TCN2: variants seen among roughly 807,000 people sequenced by gnomAD.
TCN2 encodes transcobalamin 2.
TCN2 carries 34 observed loss-of-function variants against 48.6 expected under a neutral mutation model. That is an observed-to-expected ratio of 0.70 (90% CI 0.53 to 0.93). The LOEUF is 0.93. Among genes scored for constraint, TCN2 ranks in the 40% least tolerant of loss-of-function variants. The pLI is 0.00. For missense variants in TCN2, 652 were observed against 526.1 expected (o/e 1.24, Z -2.34); for synonymous variants, 283 against 212.5 (o/e 1.33, Z -2.89).
chr22:30,622,971 T>A lies in TCN2; in HGVS notation c.1110T>A (p.Tyr370Ter). ...KKAHELGGFTYETQASLSGPY... is the reference protein window; with the variant it reads ...KKAHELGGFT Reference sequence around the variant, plus strand: ...CATTTGCCTTTCCCTTCTGTAGATATGAAACACAGGCCTCCTTGTCAGGCC... The same window carrying A: ...CATTTGCCTTTCCCTTCTGTAGATAAGAAACACAGGCCTCCTTGTCAGGCC... Residue 370 changes from tyrosine to a stop codon, truncating the protein, a stop_gained, in exon 8 of 9, where the codon TAT (tyrosine) becomes TAA (stop). Coordinates refer to ENST00000215838, the MANE Select transcript of TCN2 (RefSeq NM_000355.4). LOFTEE classifies it high-confidence loss of function. 1.2e-6 allele frequency: 2 copies of A among 1,614,104 alleles called. No individual in the cohort carries two copies. Among genetic ancestry groups the A allele is most frequent in the South Asian group, 1.1e-5 (1 of 91,088 alleles).
intron 1 of TCN2, among the ~76,000 whole-genome samples, chr22:30,608,669 C>T (rs181741556): frequency 6.6e-5 from 10 of 152,106 alleles, no homozygotes; most frequent in Admixed American, 5.9e-4. Flanking sequence ...AGATTACAGG[C>T]GTGAGCCACC....
intron 7 of TCN2, chr22:30,617,838 T>C (rs539525409): frequency 1.6e-5 from 6 of 375,948 alleles, no homozygotes; most frequent in South Asian, 9.5e-5. Flanking sequence ...TTAGTACACA[T>C]AGAGATAGTG....
chr22:30,622,091 G>A (rs2267166), intron 7 of TCN2, among the ~76,000 whole-genome samples: 17,203 of 152,108 alleles, frequency 0.11, 2,146 homozygotes, highest in African/African-American at 0.3. Context: ...GGGTTCAAGC[G>A]GTTCTCCTGC....
At chr22:30,608,442 C>A (rs993789754) in intron 1 of TCN2, among the ~76,000 whole-genome samples, 3 of 151,958 alleles carry the variant, frequency 2.0e-5, no homozygotes, top group African/African-American at 7.3e-5. Flanking sequence ...GGCTGGAGTG[C>A]AGTGGCACGA....
At chr22:30,612,820 C>T in intron 2 of TCN2, 53 bp from the exon 3 acceptor site, 3 of 1,607,972 alleles carry the variant, frequency 1.9e-6, no homozygotes, top group Non-Finnish European at 2.5e-6. Flanking sequence ...GTGCTGTAAG[C>T]AGGCTTACGG....
chr22:30,623,470 A>G (rs4820890), intron 8 of TCN2, among the ~76,000 whole-genome samples: 61,624 of 151,478 alleles, frequency 0.41, 12,773 homozygotes, highest in Non-Finnish European at 0.45. Flanking sequence ...CTTCCACCTC[A>G]GCCTTCCTAG....
chr22:30,614,358 A>T lies in TCN2; in HGVS notation c.437A>T (p.His146Leu). 6.2e-7 allele frequency: 1 copy of T among 1,614,096 alleles called. No homozygotes were observed. The highest frequency in any genetic ancestry group is 8.5e-7 in the Non-Finnish European group (1 of 1,179,992). The change falls in exon 4 of 9, where the codon CAC (histidine) becomes CTC (leucine). Residue 146 changes from histidine (H) to leucine (L), a missense_variant. Coordinates refer to ENST00000215838, the MANE Select transcript of TCN2 (RefSeq NM_000355.4). ...EDEKRAIGHD[H>L]KGHPHTSYYQ... is the part of the protein sequence containing the mutation. ...TTTTTTTCCCTCTCAGGGCATGATC[A>T]CAAGGGCCACCCCCACACTAGCTAC...
intron 8 of TCN2, among the ~76,000 whole-genome samples, chr22:30,624,572 A>G (rs1449510035): frequency 6.6e-6 from 1 of 152,140 alleles, no homozygotes; most frequent in Non-Finnish European, 1.5e-5. Flanking sequence ...AAATTGAGGA[A>G]TAAAAAATAG....
At chr22:30,614,212 C>A in intron 3 of TCN2, 137 bp from the exon 4 acceptor site, 1 of 1,178,482 alleles carries the variant, frequency 8.5e-7, no homozygotes, top group Non-Finnish European at 1.2e-6. Context: ...CACGTATGGG[C>A]TGAGGCAATG....
intron 1 of TCN2, among the ~76,000 whole-genome samples, chr22:30,609,133 C>G (rs951124121): frequency 3.3e-5 from 5 of 151,864 alleles, no homozygotes; most frequent in African/African-American, 1.2e-4. Context: ...AAGTGGGCTC[C>G]TGTGCTTCCT....
chr22:30,610,892 A>ATCT lies in TCN2; in HGVS notation c.87_89dup (p.Leu30dup), dbSNP rs768204450. ...TAAGAAATACCAGAGATGGACAGCC[A>ATCT]TCTGGTAGAGAAGTTGGGCCAGCAC... On this transcript the variant is annotated inframe_insertion, in exon 2 of 9. Coordinates refer to ENST00000215838, the MANE Select transcript of TCN2 (RefSeq NM_000355.4). The ATCT allele has an allele frequency of 6.2e-7, 1 of 1,614,190 alleles. No individual in the cohort carries two copies. Among genetic ancestry groups the ATCT allele is most frequent in the South Asian group, 1.1e-5 (1 of 91,084 alleles).
At chr22:30,615,889 C>A in intron 6 of TCN2, 102 bp downstream of exon 6, 1 of 1,475,008 alleles carries the variant, frequency 6.8e-7, no homozygotes, top group Non-Finnish European at 9.4e-7. Context: ...GCTGAGTCAG[C>A]ACAAGATTGT....
At position 30,612,946 on chromosome 22, in the gene TCN2, G is replaced by T. The variant is rs778150805; in HGVS notation, c.331G>T (p.Ala111Ser). The T allele has an allele frequency of 6.2e-7, 1 of 1,614,038 alleles. No individual in the cohort carries two copies. The highest frequency in any genetic ancestry group is 1.1e-5 in the South Asian group (1 of 91,078). ...GGGCCAGCTGGCCCTCTACCTGCTC[G>T]CTCTCAGAGCCAACTGTGAGTTTGT... ...SMGQLALYLL[A>S]LRANCEFVRG... The change falls in exon 3 of 9, where the codon GCT becomes TCT. Residue 111 changes from alanine (A) to serine (S), a missense_variant. Coordinates refer to ENST00000215838, the MANE Select transcript of TCN2 (RefSeq NM_000355.4).
intron 4 of TCN2, 121 bp from the exon 5 acceptor site, chr22:30,615,179 GC>G (rs1424889943): frequency 1.0e-6 from 1 of 1,002,460 alleles, no homozygotes; most frequent in Non-Finnish European, 1.6e-6. Flanking sequence ...TGACCATGTT[GC>G]CCTTCTTCTC....
chr22:30,620,016 G>T (rs2145552505), intron 7 of TCN2, among the ~76,000 whole-genome samples: 1 of 152,260 alleles, frequency 6.6e-6, no homozygotes, highest in East Asian at 1.9e-4. Flanking sequence ...AATTAGCTGG[G>T]CATGATGGTG....
intron 2 of TCN2, among the ~76,000 whole-genome samples, chr22:30,611,776 G>C (rs931954917): frequency 6.6e-6 from 1 of 152,194 alleles, no homozygotes; most frequent in Non-Finnish European, 1.5e-5. Context: ...CCAAAGTGTT[G>C]GGATTATAGG....
At position 30,626,735 on chromosome 22, in the gene TCN2, C is replaced by T. The variant is rs1374174669; in HGVS notation, c.*214C>T. On this transcript the variant is annotated 3_prime_UTR_variant, in exon 9 of 9. Coordinates refer to ENST00000215838, the MANE Select transcript of TCN2 (RefSeq NM_000355.4). ...GAGCCAAGCATCTTCCCTGGGAAGT[C>T]TTTCTGGCCAAGTCTGGCCAGCCTG... The T allele has an allele frequency of 4.8e-6, 3 of 630,598 alleles. No individual in the cohort carries two copies. The African/African-American group carries it at 5.4e-5, about 11-fold the overall frequency. The allele number at this position is 630,598 out of a possible 1,614,324, so 39.1% of individuals were successfully genotyped here. A position where few individuals can be genotyped will look rare whatever the true frequency, so the allele number is the denominator to read the frequency against.
At chr22:30,620,625 G>A (rs1025044607) in intron 7 of TCN2, among the ~76,000 whole-genome samples, 4 of 152,258 alleles carry the variant, frequency 2.6e-5, no homozygotes, top group Non-Finnish European at 4.4e-5. Flanking sequence ...CACAGACTGA[G>A]ATTACCCAGA....
intron 8 of TCN2, among the ~76,000 whole-genome samples, chr22:30,625,711 G>A (rs1473864845): frequency 6.6e-6 from 1 of 152,136 alleles, no homozygotes; most frequent in Admixed American, 6.6e-5. Flanking sequence ...TGATCTGCCT[G>A]CCTTGGCCTC....
Sources: gnomAD v4.1 joint callset for allele counts (sites outside exome capture counted in the v4.1 genomes callset) on GRCh38, gnomAD v4.1.1 for gene constraint, MANE v1.5 for transcripts, NCBI Gene and HGNC (gene_info 2026-07-23, HGNC 2026-07-21) for gene names.